The following TREML2 variants were observed in gnomAD, a reference collection of about 807,000 sequenced individuals.
The protein encoded by TREML2 is trem-like transcript 2 protein.
Under a neutral mutation model 25.9 loss-of-function variants are expected in TREML2, and 24 were observed. The ratio of observed to expected loss-of-function variants is 0.93; its 90% confidence interval spans 0.67 to 1.30. The LOEUF (loss-of-function observed/expected upper bound fraction) is 1.30. Ranked by LOEUF, TREML2 falls within the 50% of genes most tolerant of loss-of-function variation. The pLI, the probability that TREML2 is intolerant of heterozygous loss-of-function variation, is 0.00. For missense variants in TREML2, 359 were observed against 395.6 expected, an observed-to-expected ratio of 0.91 and a Z score of 0.78; for synonymous variants, 139 against 155.2, an observed-to-expected ratio of 0.90 and a Z score of 0.77.
rs76603522 is a variant in TREML2, at chr6:41,196,430, T to A, written c.377-1597A>T. ...GGCTGCCTTTTCCGGGGTCTTTAGC[T>A]GAGTCCTTTCCCTTTTCTATCTAAT... is the stretch of plus-strand genomic sequence containing the variant. On this transcript the variant is annotated intron_variant, in intron 2 of 4. Coordinates refer to ENST00000483722, the MANE Select transcript of TREML2 (RefSeq NM_024807.4). Among the ~76,000 whole-genome samples the A allele has an allele frequency of 6.1e-4, 93 of 152,350 alleles. 1 individual carries two copies. The East Asian group carries it at 0.018, about 29-fold the overall frequency.
At chr6:41,200,229 T>A (rs1766251198) in intron 1 of TREML2, among the ~76,000 whole-genome samples, 1 of 152,238 alleles carries the variant, frequency 6.6e-6, no homozygotes, top group African/African-American at 2.4e-5. Flanking sequence ...AGCCCAGGAT[T>A]TCTTAGCACA....
intron 2 of TREML2, 119 bp from the exon 3 acceptor site, chr6:41,194,952 T>C: frequency 2.2e-6 from 2 of 889,288 alleles, no homozygotes; most frequent in South Asian, 3.9e-5. Context: ...TCTTCTCTTC[T>C]CCTTGACCTT....
chr6:41,192,693 A>G (rs1225443274), intron 4 of TREML2, 108 bp downstream of exon 4: 1 of 1,206,108 alleles, frequency 8.3e-7, no homozygotes, highest in Non-Finnish European at 1.2e-6. Context: ...AGTCCTTTTG[A>G]CTGGACACAG....
At chr6:41,192,571 A>ACCAGCC (rs1185937548) in intron 4 of TREML2, 65 bp from the exon 5 acceptor site, 1 of 1,481,710 alleles carries the variant, frequency 6.7e-7, no homozygotes, top group African/African-American at 1.4e-5. Flanking sequence ...ATGCTCCTCC[A>ACCAGCC]CCAGCCCCAG....
chr6:41,195,479 A>G (rs1453952469), intron 2 of TREML2, among the ~76,000 whole-genome samples: 1 of 152,204 alleles, frequency 6.6e-6, no homozygotes, highest in Non-Finnish European at 1.5e-5. Context: ...CTCAGCATGG[A>G]ATGTGAAAAT....
At chr6:41,192,761 A>C in intron 4 of TREML2, 40 bp downstream of exon 4, 1 of 1,561,120 alleles carries the variant, frequency 6.4e-7, no homozygotes, top group Non-Finnish European at 8.8e-7. Context: ...AGTTACCCAG[A>C]GCTCTGCCCT....
Position 41,192,094 on chromosome 6 carries a change from T to G in TREML2, c.*333A>C. The G allele has an allele frequency of 3.3e-6, 1 of 306,720 alleles. No homozygotes were observed. Among genetic ancestry groups the G allele is most frequent in the South Asian group, 5.0e-5 (1 of 20,020 alleles). The allele number at this position is 306,720 out of a possible 1,614,324, so 19.0% of individuals were successfully genotyped here. A position where few individuals can be genotyped will look rare whatever the true frequency, so the allele number is the denominator to read the frequency against. On this transcript the variant is annotated 3_prime_UTR_variant, in exon 5 of 5. Transcript: ENST00000483722. The stretch of plus-strand genomic sequence containing the variant: ...TTTCTGAGGCAGACGGGAGCTGAGG[T>G]TCTCTGTAAACAGCACTCTCAGGGT...
At chr6:41,197,558 T>G (rs544458465) in intron 2 of TREML2, among the ~76,000 whole-genome samples, 4 of 152,218 alleles carry the variant, frequency 2.6e-5, no homozygotes, top group Non-Finnish European at 5.9e-5. Context: ...AGGTGTTCTC[T>G]GACCCCCAGT....
In TREML2 at chr6:41,190,138, T is replaced by C. The variant is rs1254275464; in HGVS notation, c.*2289A>G. 1.3e-5 allele frequency: 2 copies of C among 152,194 alleles called. No individual in the cohort carries two copies. Among genetic ancestry groups the C allele is most frequent in the Non-Finnish European group, 2.9e-5 (2 of 68,040 alleles). 9.4% of individuals were successfully genotyped at this position (152,194 alleles called of 1,614,324 possible). Reference sequence around the variant, plus strand: ...GTGCCTGCAGCTTGATTTTTCAGGCTGTTCTTTTGTTTAAAAGAATTCTAC... The same window carrying C: ...GTGCCTGCAGCTTGATTTTTCAGGCCGTTCTTTTGTTTAAAAGAATTCTAC... On this transcript the variant is annotated 3_prime_UTR_variant, in exon 5 of 5. Transcript: ENST00000483722.
chr6:41,194,275 T>A lies in TREML2; in HGVS notation c.785+150A>T, dbSNP rs1317883326. On this transcript the variant is annotated intron_variant, in intron 3 of 4. Transcript: ENST00000483722. ...CCCTCCTCTCCATTGCCATCCTTTA[T>A]GTCACTTCCAGTCCCCCACCTCACA... The A allele has an allele frequency of 5.0e-5, 29 of 577,672 alleles. 1 individual carries two copies. The East Asian group carries it at 1.5e-3, about 30-fold the overall frequency. 35.8% of individuals were successfully genotyped at this position (577,672 alleles called of 1,614,324 possible). A position where few individuals can be genotyped will look rare whatever the true frequency, so the allele number is the denominator to read the frequency against.
chr6:41,192,393 T>G lies in TREML2; in HGVS notation c.*34A>C. 6.3e-7 allele frequency: 1 copy of G among 1,581,174 alleles called. No individual in the cohort carries two copies. Among genetic ancestry groups the G allele is most frequent in the Non-Finnish European group, 8.7e-7 (1 of 1,151,420 alleles). ...CTCCTCTAACCCCCTGGGGCCACTC[T>G]GGGAGAAGCTCCCCACCCCATGCTT... is the stretch of plus-strand genomic sequence containing the variant. On this transcript the variant is annotated 3_prime_UTR_variant, in exon 5 of 5. Transcript: ENST00000483722.
chr6:41,200,968 T>G lies in TREML2; in HGVS notation c.41A>C (p.Gln14Pro), dbSNP rs779398610. ...AFLLLLLLWP[Q>P]GCVSGPSADS... ...TCTCCCCTCACCTGAGACGCAACCC[T>G]GTGGCCACAGCAGCAGCAGCAGCAG... The change falls in exon 1 of 5, where the codon CAG (glutamine) becomes CCG (proline). Residue 14 changes from glutamine to proline, a missense_variant. Transcript: ENST00000483722. 24 of 1,579,222 alleles carry G rather than the reference T, an allele frequency of 1.5e-5. No homozygotes were observed. The African/African-American group carries it at 3.1e-4, about 20-fold the overall frequency.
chr6:41,194,923 C>G (rs1011335526), intron 2 of TREML2, 90 bp from the exon 3 acceptor site: 22 of 1,279,390 alleles, frequency 1.7e-5, no homozygotes, highest in Non-Finnish European at 2.2e-5. Context: ...TGCCTGGAAG[C>G]CTGGATGGGG....
chr6:41,194,981 G>T, intron 2 of TREML2, 148 bp from the exon 3 acceptor site: 1 of 653,974 alleles, frequency 1.5e-6, no homozygotes, highest in Non-Finnish European at 2.5e-6. Context: ...GATTCTGGCT[G>T]CTGAGTGATC....
chr6:41,200,945 T>TC lies in TREML2; in HGVS notation c.55+8dup. On this transcript the variant is annotated intron_variant, in intron 1 of 4. Transcript: ENST00000483722. ...CCCTCCTCCACAAGTCAGCCCCTTC[T>TC]CCCCTCACCTGAGACGCAACCCTGT... is the stretch of plus-strand genomic sequence containing the variant. The TC allele has an allele frequency of 6.5e-7, 1 of 1,539,142 alleles. No homozygotes were observed. The highest frequency in any genetic ancestry group is 8.7e-7 in the Non-Finnish European group (1 of 1,144,032).
intron 2 of TREML2, among the ~76,000 whole-genome samples, chr6:41,196,549 T>G (rs1425682199): frequency 1.3e-5 from 2 of 152,238 alleles, no homozygotes; most frequent in South Asian, 2.1e-4. Context: ...AGAACTTTAT[T>G]GAGATATAAC....
chr6:41,196,116 A>G (rs1418326626), intron 2 of TREML2, among the ~76,000 whole-genome samples: 1 of 152,232 alleles, frequency 6.6e-6, no homozygotes, highest in Non-Finnish European at 1.5e-5. Context: ...TGAAATCTTC[A>G]CAAATTGTCC....
chr6:41,196,569 A>G (rs1165745893), intron 2 of TREML2, among the ~76,000 whole-genome samples: 1 of 152,214 alleles, frequency 6.6e-6, no homozygotes, highest in Non-Finnish European at 1.5e-5. Flanking sequence ...CTCACATCCC[A>G]TTTATAGTAT....
intron 3 of TREML2, 86 bp downstream of exon 3, chr6:41,194,339 G>T: frequency 2.2e-6 from 3 of 1,367,432 alleles, no homozygotes; most frequent in Non-Finnish European, 2.9e-6. Flanking sequence ...GGGAGCAAAA[G>T]GGGAAGGTCA....
Sources: allele counts gnomAD v4.1 joint callset (sites outside exome capture counted in the v4.1 genomes callset), GRCh38; gene constraint gnomAD v4.1.1; transcripts MANE v1.5; gene names NCBI Gene and HGNC (gene_info 2026-07-23, HGNC 2026-07-21).